Variants in NCOA1 observed in about 807,000 individuals in gnomAD.
The protein encoded by NCOA1 is nuclear receptor coactivator 1, also known as Hin-2 protein.
A neutral mutation model predicts 150.9 loss-of-function variants in NCOA1; 35 were observed. That is an observed-to-expected ratio of 0.23 (90% CI 0.18 to 0.31). The LOEUF (loss-of-function observed/expected upper bound fraction) is 0.31. Ranked by LOEUF, NCOA1 falls within the 10% of genes least tolerant of loss-of-function variation. The pLI, the probability that NCOA1 is intolerant of heterozygous loss-of-function variation, is 1.00. For missense variants in NCOA1, 1,491 were observed against 1,749.3 expected (o/e 0.85, Z 2.63); for synonymous variants, 590 against 630.0 (o/e 0.94, Z 0.95).
chr2:24,724,578 C>T (rs1674516948), intron 14 of NCOA1, among the ~76,000 whole-genome samples: 1 of 151,996 alleles, frequency 6.6e-6, no homozygotes, highest in African/African-American at 2.4e-5. Flanking sequence ...AGTCACCAAA[C>T]TCAGCATATG....
At chr2:24,740,432 T>C (rs192033537) in intron 18 of NCOA1, among the ~76,000 whole-genome samples, 159 of 152,362 alleles carry the variant, frequency 1.0e-3, no homozygotes, top group Non-Finnish European at 1.5e-3. Flanking sequence ...TACTGCATGT[T>C]ACTCTACTGA....
Position 24,695,288 on chromosome 2 carries a change from T to G in NCOA1, c.808+1941T>G, listed in dbSNP as rs144117051. On this transcript the variant is annotated intron_variant, in intron 10 of 22. Coordinates refer to ENST00000348332, the MANE Select transcript of NCOA1 (RefSeq NM_003743.5). ...CTGGGCCATAAAATAACTATATATA[T>G]ATAGAGAGAGAGGGAACCTCCAATA... is the stretch of plus-strand genomic sequence containing the variant. Among the ~76,000 whole-genome samples, 1,105 of 151,914 alleles carry G rather than the reference T, an allele frequency of 7.3e-3. 11 individuals are homozygous for G. The highest frequency in any genetic ancestry group is 0.018 in the African/African-American group (736 of 41,432).
At chr2:24,636,544 T>C (rs1250717261) in intron 3 of NCOA1, among the ~76,000 whole-genome samples, 1 of 152,156 alleles carries the variant, frequency 6.6e-6, no homozygotes, top group Non-Finnish European at 1.5e-5. Flanking sequence ...TGACACAAAA[T>C]TCATTTTTAA....
intron 10 of NCOA1, among the ~76,000 whole-genome samples, chr2:24,694,771 G>A (rs190017395): frequency 5.4e-4 from 82 of 151,800 alleles, no homozygotes; most frequent in Middle Eastern, 6.8e-3. Flanking sequence ...TTTAATAAAC[G>A]TACTATGGAT....
At chr2:24,665,997 A>G (rs1671403663) in intron 6 of NCOA1, 82 bp downstream of exon 6, 4 of 789,244 alleles carry the variant, frequency 5.1e-6, no homozygotes, top group African/African-American at 1.9e-5. Context: ...TATTATTATT[A>G]TTATTATTAT....
At chr2:24,695,880 G>C (rs188106215) in intron 10 of NCOA1, among the ~76,000 whole-genome samples, 1 of 152,198 alleles carries the variant, frequency 6.6e-6, no homozygotes, top group African/African-American at 2.4e-5. Context: ...CATGCTCTCT[G>C]GTGGGGCCAA....
chr2:24,510,893 A>G (rs528999856), intron 1 of NCOA1, among the ~76,000 whole-genome samples: 3 of 152,316 alleles, frequency 2.0e-5, no homozygotes, highest in African/African-American at 7.2e-5. Context: ...AAAGTGTACA[A>G]TTTGGCAGCT....
At chr2:24,766,901 G>A (rs1558351968) in intron 22 of NCOA1, among the ~76,000 whole-genome samples, 1 of 152,072 alleles carries the variant, frequency 6.6e-6, no homozygotes, top group Non-Finnish European at 1.5e-5. Flanking sequence ...GTAACAAATG[G>A]GAGCATATAG....
At chr2:24,614,797 A>AAAT (rs1218012350) in intron 3 of NCOA1, among the ~76,000 whole-genome samples, 1 of 152,240 alleles carries the variant, frequency 6.6e-6, no homozygotes, top group Non-Finnish European at 1.5e-5. Context: ...TTAGATAATT[A>AAAT]AATAATAACA....
intron 3 of NCOA1, among the ~76,000 whole-genome samples, chr2:24,633,801 T>C (rs1439849850): frequency 2.6e-5 from 4 of 152,234 alleles, no homozygotes; most frequent in Admixed American, 1.3e-4. Context: ...GTTGGACATA[T>C]GCAAATATTA....
chr2:24,631,888 G>T (rs867083774), intron 3 of NCOA1, among the ~76,000 whole-genome samples: 1 of 152,048 alleles, frequency 6.6e-6, no homozygotes, highest in African/African-American at 2.4e-5. Flanking sequence ...GTTGCTTACT[G>T]CTTCTCAATG....
chr2:24,734,543 C>A (rs540915876), intron 17 of NCOA1, among the ~76,000 whole-genome samples: 3 of 152,110 alleles, frequency 2.0e-5, no homozygotes, highest in Non-Finnish European at 4.4e-5. Flanking sequence ...ACCTATAACC[C>A]CCCCATTTTG....
At position 24,758,015 on chromosome 2, in the gene NCOA1, G is replaced by T; in HGVS notation, c.3924G>T (p.Gln1308His). 6.2e-7 allele frequency: 1 copy of T among 1,614,162 alleles called. No homozygotes were observed. The highest frequency in any genetic ancestry group is 1.6e-4 in the Middle Eastern group (1 of 6,062). Reference sequence around the variant, plus strand: ...TCCAGAACCAGCCCACGCCTGCACAGCCAGGAGTATACAACAACATGAGCA... The same window carrying T: ...TCCAGAACCAGCCCACGCCTGCACATCCAGGAGTATACAACAACATGAGCA... ...QAVQNQPTPAQPGVYNNMSIT... is the reference protein window; with the variant it reads ...QAVQNQPTPAHPGVYNNMSIT... The change falls in exon 21 of 23, where the codon CAG (glutamine) becomes CAT (histidine). Residue 1308 changes from glutamine to histidine, a missense_variant. Transcript: ENST00000348332.
intron 4 of NCOA1, among the ~76,000 whole-genome samples, chr2:24,657,079 C>G (rs936335232): frequency 2.6e-5 from 4 of 152,202 alleles, no homozygotes; most frequent in African/African-American, 4.8e-5. Context: ...AATTTACATT[C>G]CCACTAAAAA....
intron 2 of NCOA1, among the ~76,000 whole-genome samples, chr2:24,578,394 A>G (rs568415405): frequency 1.3e-5 from 2 of 152,306 alleles, no homozygotes; most frequent in East Asian, 3.9e-4. Context: ...TGATTATAAA[A>G]ACTAAGCACA....
intron 22 of NCOA1, chr2:24,767,700 A>C (rs1665139543): frequency 5.9e-6 from 1 of 168,882 alleles, no homozygotes; most frequent in Non-Finnish European, 1.3e-5. Flanking sequence ...AATATATTTA[A>C]ATACTAAAAA....
intron 1 of NCOA1, among the ~76,000 whole-genome samples, chr2:24,529,509 A>G (rs1223634194): frequency 1.3e-5 from 2 of 151,882 alleles, no homozygotes; most frequent in African/African-American, 4.8e-5. Flanking sequence ...TTATTGATCG[A>G]TTGATTTTGT....
intron 3 of NCOA1, among the ~76,000 whole-genome samples, chr2:24,631,734 A>T (rs1669720271): frequency 6.6e-6 from 1 of 152,204 alleles, no homozygotes; most frequent in Non-Finnish European, 1.5e-5. Flanking sequence ...CAATGGTGTC[A>T]GCTTGTGTGT....
At chr2:24,528,622 A>G (rs976876390) in intron 1 of NCOA1, among the ~76,000 whole-genome samples, 1 of 152,080 alleles carries the variant, frequency 6.6e-6, no homozygotes, top group African/African-American at 2.4e-5. Context: ...TGCTGGGATT[A>G]CAGGCATGAG....
Sources: gnomAD v4.1 joint callset for allele counts (sites outside exome capture counted in the v4.1 genomes callset) on GRCh38, gnomAD v4.1.1 for gene constraint, MANE v1.5 for transcripts, NCBI Gene and HGNC (gene_info 2026-07-23, HGNC 2026-07-21) for gene names.